CD99: variants seen among roughly 807,000 people sequenced by gnomAD.
CD99 encodes CD99 antigen.
A neutral mutation model predicts 28.4 loss-of-function variants in CD99; 19 were observed. The ratio of observed to expected loss-of-function variants is 0.67; its 90% CI spans 0.47 to 0.98. The LOEUF (loss-of-function observed/expected upper bound fraction) is 0.98. CD99 is among the 50% of genes least tolerant of loss of function. The pLI is 0.00. For missense variants in CD99, 283 were observed against 248.8 expected, an observed-to-expected ratio of 1.14 and a Z score of -0.92; for synonymous variants, 103 against 92.1, an observed-to-expected ratio of 1.12 and a Z score of -0.67.
Position 2,738,183 on chromosome X carries a change from T to A in CD99, c.476-17T>A. The A allele has an allele frequency of 6.2e-7, 1 of 1,612,968 alleles. No individual in the cohort carries two copies. Among genetic ancestry groups the A allele is most frequent in the Non-Finnish European group, 8.5e-7 (1 of 1,178,972 alleles). Reference sequence around the variant, plus strand: ...TGTTGCACTGAGCCTCTCTGTGTATTTTCTTCTTCTTTTCAGCAGAACAAG... The same window carrying A: ...TGTTGCACTGAGCCTCTCTGTGTATATTCTTCTTCTTTTCAGCAGAACAAG... On this transcript the variant is annotated splice_polypyrimidine_tract_variant and intron_variant, in intron 8 of 9. Transcript: ENST00000381192.
chrX:2,699,404 G>A (rs370197299), intron 1 of CD99, among the ~76,000 whole-genome samples: 51 of 150,592 alleles, frequency 3.4e-4, no homozygotes, highest in African/African-American at 1.2e-3. Context: ...TCCTGACGTC[G>A]TGATCTGCCC....
intron 7 of CD99, among the ~76,000 whole-genome samples, chrX:2,725,758 C>T (rs1261267951): frequency 6.6e-6 from 1 of 152,150 alleles, no homozygotes; most frequent in Non-Finnish European, 1.5e-5. Flanking sequence ...GGATTAAAGG[C>T]ACCCACCCTT....
chrX:2,706,443 G>C (rs1468885882), intron 1 of CD99, among the ~76,000 whole-genome samples: 4 of 152,188 alleles, frequency 2.6e-5, no homozygotes, highest in African/African-American at 4.8e-5. Context: ...GAGCACACAC[G>C]TGCCCTCTGC....
At chrX:2,732,597 CCT>C (rs2124255217) in intron 8 of CD99, among the ~76,000 whole-genome samples, 1 of 147,014 alleles carries the variant, frequency 6.8e-6, no homozygotes, top group South Asian at 2.2e-4. Context: ...TTGAACTCTC[CCT>C]CTTTCTTCCT....
intron 1 of CD99, chrX:2,691,767 C>T (rs2047312039): frequency 1.3e-6 from 1 of 761,252 alleles, no homozygotes; most frequent in Non-Finnish European, 2.4e-6. Flanking sequence ...CCCCTCACCC[C>T]ACCCCGTTAT....
At chrX:2,692,056 C>G in intron 1 of CD99, 2 of 620,586 alleles carry the variant, frequency 3.2e-6, no homozygotes, top group Non-Finnish European at 2.9e-6. Context: ...ACCAAATTGT[C>G]CATCTGCGGC....
intron 8 of CD99, among the ~76,000 whole-genome samples, chrX:2,730,143 G>A (rs928884332): frequency 6.6e-6 from 1 of 151,724 alleles, no homozygotes; most frequent in Non-Finnish European, 1.5e-5. Flanking sequence ...GACAGACAGA[G>A]ACCCTGTCTC....
chrX:2,714,787 C>T (rs1220316627), intron 2 of CD99: 3 of 248,802 alleles, frequency 1.2e-5, no homozygotes, highest in South Asian at 2.7e-4. Flanking sequence ...GCAGGCCTTC[C>T]GTTTGTAAAA....
intron 9 of CD99, among the ~76,000 whole-genome samples, chrX:2,740,083 ACT>A (rs923624607): frequency 1.3e-5 from 2 of 149,580 alleles, no homozygotes; most frequent in African/African-American, 2.5e-5. Context: ...CAAGAGCAAA[ACT>A]CTGTCTCAAA....
At position 2,726,298 on chromosome X, in the gene CD99, G is replaced by A. The variant is rs1235114449; in HGVS notation, c.400G>A (p.Val134Ile). The A allele has an allele frequency of 6.2e-7, 1 of 1,612,076 alleles. No individual in the cohort carries two copies. Among genetic ancestry groups the A allele is most frequent in the Admixed American group, 1.7e-5 (1 of 60,006 alleles). The change falls in exon 8 of 10, where the codon GTC (valine) becomes ATC (isoleucine). Residue 134 changes from valine (V) to isoleucine (I), a missense_variant. Coordinates refer to ENST00000381192, the MANE Select transcript of CD99 (RefSeq NM_002414.5). ...PGVIPGIVGA[V>I]VVAVAGAISS... ...CGTGATCCCCGGGATTGTGGGGGCT[G>A]TCGTGGTCGCCGTGGCTGGAGCCAT...
Position 2,735,224 on chromosome X carries a change from G to A in CD99, c.476-2976G>A, listed in dbSNP as rs764852832. ...CCCCAAGCACACGGTGTGTGTGTGT[G>A]TATAAATATATCTTCACAAAGCATA... On this transcript the variant is annotated intron_variant, in intron 8 of 9. Coordinates refer to ENST00000381192, the MANE Select transcript of CD99 (RefSeq NM_002414.5). Among the ~76,000 whole-genome samples the A allele has an allele frequency of 2.0e-5, 3 of 152,258 alleles. No homozygotes were observed. The South Asian group carries it at 6.2e-4, about 32-fold the overall frequency.
chrX:2,728,916 A>AACCTCC (rs111446880), intron 8 of CD99, among the ~76,000 whole-genome samples: 53,604 of 148,234 alleles, frequency 0.36, 13,484 homozygotes, highest in African/African-American at 0.73. Flanking sequence ...GGCTCACTGC[A>AACCTCC]ACCTCGCGGG....
chrX:2,721,183 G>GT (rs1290717204), intron 5 of CD99, among the ~76,000 whole-genome samples: 3 of 151,372 alleles, frequency 2.0e-5, no homozygotes, highest in Non-Finnish European at 4.4e-5. Flanking sequence ...ATATGTTTAG[G>GT]TTTTTTTGTT....
chrX:2,697,654 C>T (rs1280590573), intron 1 of CD99, among the ~76,000 whole-genome samples: 1 of 152,098 alleles, frequency 6.6e-6, no homozygotes, highest in African/African-American at 2.4e-5. Context: ...AAACACACTG[C>T]ATTGTCTTTT....
Position 2,720,420 on chromosome X carries a change from C to A in CD99, c.258C>A (p.Ser86=). ...ATCCAAACCCCAACCACCCTAGTTC[C>A]TCCGGTAAGAGTCTCTGACCCTGTG... ...MPNPNPNHPS[S]SGSFSDADLA... Residue 86 remains serine (S), a synonymous_variant, in exon 5 of 10, where the codon TCC becomes TCA. Transcript: ENST00000381192. The A allele has an allele frequency of 6.2e-7, 1 of 1,613,682 alleles. No homozygotes were observed. Among genetic ancestry groups the A allele is most frequent in the Non-Finnish European group, 8.5e-7 (1 of 1,179,716 alleles).
intron 1 of CD99, among the ~76,000 whole-genome samples, chrX:2,712,013 G>T (rs144599171): frequency 0.017 from 2,662 of 152,210 alleles, 39 homozygotes; most frequent in South Asian, 0.052. Context: ...CTCCAGCTTG[G>T]GCAACAGAGT....
chrX:2,724,841 T>G (rs1197412142), intron 7 of CD99, among the ~76,000 whole-genome samples: 1 of 148,880 alleles, frequency 6.7e-6, no homozygotes, highest in Non-Finnish European at 1.5e-5. Flanking sequence ...GAGGCTGCAG[T>G]GAGCTGAAAT....
intron 8 of CD99, among the ~76,000 whole-genome samples, chrX:2,729,635 T>G (rs111584883): frequency 1.2e-3 from 179 of 152,192 alleles, no homozygotes; most frequent in African/African-American, 4.1e-3. Flanking sequence ...ACACACAAAC[T>G]TGGGAAAGCA....
At chrX:2,696,434 CT>C (rs1248539372) in intron 1 of CD99, among the ~76,000 whole-genome samples, 1 of 152,066 alleles carries the variant, frequency 6.6e-6, no homozygotes, top group Non-Finnish European at 1.5e-5. Context: ...AAGTCTCGCT[CT>C]TTTTCCCCAG....
Sources: gnomAD v4.1 joint callset for allele counts (sites outside exome capture counted in the v4.1 genomes callset) on GRCh38, gnomAD v4.1.1 for gene constraint, MANE v1.5 for transcripts, NCBI Gene and HGNC (gene_info 2026-07-23, HGNC 2026-07-21) for gene names.